The following ACYP2 variants were observed in gnomAD, a reference collection of about 807,000 sequenced individuals.
ACYP2 encodes acylphosphatase-2.
In ACYP2, 12 loss-of-function variants were observed where a neutral mutation model predicts 11.2. The observed-to-expected ratio is 1.08, with a 90% CI of 0.69 to 1.74. ACYP2 has a LOEUF of 1.74. Ranked by LOEUF, ACYP2 falls within the 40% of genes most tolerant of loss-of-function variation. The pLI is 0.00. For synonymous variants in ACYP2, 43 were observed against 32.2 expected (o/e 1.33, Z -1.13); for missense variants, 134 against 101.9 (o/e 1.31, Z -1.35).
intron 4 of ACYP2, among the ~76,000 whole-genome samples, chr2:54,071,100 T>C (rs549328730): frequency 1.3e-5 from 2 of 152,258 alleles, no homozygotes; most frequent in Admixed American, 6.5e-5. Context: ...TTCATGATAA[T>C]AGCATGCAAT....
At chr2:54,076,921 T>C (rs1677372317) in intron 4 of ACYP2, among the ~76,000 whole-genome samples, 1 of 152,264 alleles carries the variant, frequency 6.6e-6, no homozygotes, top group Non-Finnish European at 1.5e-5. Flanking sequence ...ATTATTTCTA[T>C]TTAACTGTAA....
At chr2:54,254,760 G>A (rs1687410485) in intron 6 of ACYP2, 7 of 667,818 alleles carry the variant, frequency 1.0e-5, no homozygotes, top group South Asian at 1.0e-4. Flanking sequence ...CAGCCACCAA[G>A]GTCTCAATCT....
intron 6 of ACYP2, among the ~76,000 whole-genome samples, chr2:54,186,463 G>T (rs1214422129): frequency 6.6e-6 from 1 of 152,050 alleles, no homozygotes; most frequent in African/African-American, 2.4e-5. Context: ...ATGTACCTAG[G>T]AAATAATCAG....
chr2:54,072,588 A>T (rs1572693422), intron 4 of ACYP2, among the ~76,000 whole-genome samples: 2 of 101,786 alleles, frequency 2.0e-5, no homozygotes. Flanking sequence ...TTTTTGACAG[A>T]GCCTCACTCT....
intron 4 of ACYP2, among the ~76,000 whole-genome samples, chr2:54,095,046 T>C (rs1184521825): frequency 7.6e-6 from 1 of 132,318 alleles, no homozygotes; most frequent in Non-Finnish European, 1.7e-5. Flanking sequence ...TTCCGCGGTG[T>C]TTGTGTCCCT....
In ACYP2 at chr2:54,255,301, T is replaced by A. The variant is rs374886342; in HGVS notation, c.405-49387T>A. 1.5e-5 allele frequency: 25 copies of A among 1,614,092 alleles called. No individual in the cohort carries two copies. In the African/African-American group the frequency reaches 2.7e-4, roughly 17 times the overall value. ...GCAGCCTGTCCTAGGGTGTCTGAGC[T>A]CCTTCACTTCCAAATTGGTTAAGTA... On this transcript the variant is annotated intron_variant, in intron 6 of 6. Transcript: ENST00000607452.
chr2:54,042,589 T>A (rs957697867), intron 2 of ACYP2, among the ~76,000 whole-genome samples: 1 of 152,228 alleles, frequency 6.6e-6, no homozygotes, highest in Admixed American at 6.5e-5. Flanking sequence ...ACAACTTTTT[T>A]TTATTTTTCT....
intron 6 of ACYP2, chr2:54,267,498 T>C: frequency 2.6e-6 from 2 of 763,372 alleles, no homozygotes; most frequent in Admixed American, 3.5e-5. Flanking sequence ...ATTTAATTAT[T>C]TGGGGGAAGG....
chr2:54,277,505 C>G (rs1467624487), intron 6 of ACYP2, among the ~76,000 whole-genome samples: 1 of 152,134 alleles, frequency 6.6e-6, no homozygotes, highest in African/African-American at 2.4e-5. Context: ...TGGTGAAACC[C>G]CGTCTCTACT....
intron 6 of ACYP2, among the ~76,000 whole-genome samples, chr2:54,293,965 A>G (rs1689418740): frequency 6.6e-6 from 1 of 152,258 alleles, no homozygotes; most frequent in Admixed American, 6.5e-5. Flanking sequence ...TCCATTATTA[A>G]TGCTAGTTTA....
intron 4 of ACYP2, among the ~76,000 whole-genome samples, chr2:54,094,712 A>G (rs976406875): frequency 6.7e-6 from 1 of 149,890 alleles, no homozygotes; most frequent in Admixed American, 6.7e-5. Flanking sequence ...TAATTTTTGT[A>G]TTTTTTGTGG....
intron 2 of ACYP2, among the ~76,000 whole-genome samples, chr2:54,030,978 A>G (rs745513494): frequency 1.3e-5 from 2 of 152,152 alleles, no homozygotes; most frequent in Non-Finnish European, 2.9e-5. Context: ...AGCATACTCT[A>G]TGCCCTCAAG....
chr2:54,275,116 T>C (rs1037495229), intron 6 of ACYP2, among the ~76,000 whole-genome samples: 1 of 152,220 alleles, frequency 6.6e-6, no homozygotes, highest in Non-Finnish European at 1.5e-5. Context: ...TTTTAATAAA[T>C]GCACCAATAA....
intron 4 of ACYP2, among the ~76,000 whole-genome samples, chr2:54,134,149 C>T (rs1031485244): frequency 7.2e-5 from 11 of 152,102 alleles, no homozygotes; most frequent in African/African-American, 2.7e-4. Context: ...GGCTTCAGAG[C>T]TAGGGACAGT....
At chr2:54,279,730 C>T (rs1346432557) in intron 6 of ACYP2, among the ~76,000 whole-genome samples, 1 of 152,158 alleles carries the variant, frequency 6.6e-6, no homozygotes, top group Non-Finnish European at 1.5e-5. Flanking sequence ...AAAATGAATA[C>T]ATGGATGAAA....
intron 4 of ACYP2, among the ~76,000 whole-genome samples, chr2:54,085,882 T>C (rs1238723345): frequency 1.3e-5 from 2 of 152,168 alleles, no homozygotes; most frequent in Non-Finnish European, 2.9e-5. Flanking sequence ...TATGTATATA[T>C]ATATATAAAG....
intron 2 of ACYP2, among the ~76,000 whole-genome samples, chr2:54,015,861 G>A (rs953345236): frequency 6.6e-6 from 1 of 151,976 alleles, no homozygotes; most frequent in African/African-American, 2.4e-5. Flanking sequence ...ATGGGGTTTT[G>A]TTATGTTGAC....
chr2:54,221,150 G>A (rs1379940877), intron 6 of ACYP2, among the ~76,000 whole-genome samples: 1 of 152,166 alleles, frequency 6.6e-6, no homozygotes, highest in Non-Finnish European at 1.5e-5. Flanking sequence ...ATTAACACAA[G>A]TGAATCGAAC....
rs369992385 is a variant in ACYP2 at position 54,294,422 on chromosome 2, G to A, written c.405-10266G>A. On this transcript the variant is annotated intron_variant, in intron 6 of 6. Transcript: ENST00000607452. ...TCAAATGGAGTCCCTCAGAACCCGC[G>A]GGATTCCTCAGAGATGCTTGCAGTA... Among the ~76,000 whole-genome samples the A allele has an allele frequency of 1.5e-4, 23 of 152,070 alleles. 1 individual carries two copies. The South Asian group carries it at 4.4e-3, about 29-fold the overall frequency.
Sources: allele counts gnomAD v4.1 joint callset (sites outside exome capture counted in the v4.1 genomes callset), GRCh38; gene constraint gnomAD v4.1.1; transcripts MANE v1.5; gene names NCBI Gene and HGNC (gene_info 2026-07-23, HGNC 2026-07-21).